PDSS1: variants seen among roughly 807,000 people sequenced by gnomAD.
The protein encoded by PDSS1 is all trans-polyprenyl-diphosphate synthase PDSS1.
Under a neutral mutation model 57.5 loss-of-function variants are expected in PDSS1, and 43 were observed. That is an observed-to-expected ratio of 0.75 (90% confidence interval 0.59 to 0.96). The LOEUF is 0.96. Among genes scored for constraint, PDSS1 ranks in the 50% least tolerant of loss-of-function variants. The probability of loss-of-function intolerance (pLI) is 0.00; values close to 1 mark genes in which losing one functional copy is unlikely to be tolerated. For synonymous variants in PDSS1, 175 were observed against 191.3 expected, an observed-to-expected ratio of 0.91 and a Z score of 0.70; for missense variants, 438 against 527.8, an observed-to-expected ratio of 0.83 and a Z score of 1.67.
chr10:26,740,123 C>G (rs1281038745), intron 10 of PDSS1, among the ~76,000 whole-genome samples: 2 of 136,224 alleles, frequency 1.5e-5, no homozygotes, highest in African/African-American at 5.7e-5. Flanking sequence ...GCCTGGATGA[C>G]AGAGCGAAAC....
intron 4 of PDSS1, among the ~76,000 whole-genome samples, chr10:26,706,615 T>C (rs1270500373): frequency 2.0e-5 from 3 of 152,168 alleles, no homozygotes; most frequent in Admixed American, 6.5e-5. Flanking sequence ...CCTGCATTTT[T>C]AAAAGGCCCA....
At chr10:26,708,031 G>A (rs531159041) in intron 4 of PDSS1, among the ~76,000 whole-genome samples, 2 of 152,264 alleles carry the variant, frequency 1.3e-5, no homozygotes, top group East Asian at 3.9e-4. Flanking sequence ...CTCAGCTTCC[G>A]AGGTGACAGC....
rs1464515964 is a variant in PDSS1, at chr10:26,709,623, GA to G, written c.337-12del. The G allele has an allele frequency of 6.2e-7, 1 of 1,613,198 alleles. No individual in the cohort carries two copies. The highest frequency in any genetic ancestry group is 1.1e-5 in the South Asian group (1 of 91,064). On this transcript the variant is annotated splice_polypyrimidine_tract_variant and intron_variant, in intron 4 of 11. Coordinates refer to ENST00000376215, the MANE Select transcript of PDSS1 (RefSeq NM_014317.5). ...TTTTTTGATGCCATTGTGACACAGA[GA>G]AACTTTATTTCAGGAACTGCTTATA... is the stretch of plus-strand genomic sequence containing the variant.
At chr10:26,722,725 A>T (rs1273905887) in intron 6 of PDSS1, among the ~76,000 whole-genome samples, 1 of 151,984 alleles carries the variant, frequency 6.6e-6, no homozygotes, top group African/African-American at 2.4e-5. Context: ...AAAGAATGTA[A>T]TATATATCTT....
At chr10:26,700,565 T>G (rs1835019843) in intron 1 of PDSS1, among the ~76,000 whole-genome samples, 1 of 152,110 alleles carries the variant, frequency 6.6e-6, no homozygotes, top group African/African-American at 2.4e-5. Flanking sequence ...GATTCCCCCA[T>G]GCTGTTCTCA....
At chr10:26,709,330 C>T (rs1303399356) in intron 4 of PDSS1, among the ~76,000 whole-genome samples, 2 of 152,280 alleles carry the variant, frequency 1.3e-5, no homozygotes, top group East Asian at 1.9e-4. Context: ...GAGGCCGAGG[C>T]GGGTGGATCA....
At chr10:26,709,573 G>T in intron 4 of PDSS1, 65 bp from the exon 5 acceptor site, 2 of 1,495,874 alleles carry the variant, frequency 1.3e-6, no homozygotes, top group East Asian at 2.3e-5. Context: ...AAAAAAAAAA[G>T]AAATCCTGTT....
At chr10:26,721,051 A>T (rs2132261352) in intron 6 of PDSS1, among the ~76,000 whole-genome samples, 1 of 152,230 alleles carries the variant, frequency 6.6e-6, no homozygotes, top group Non-Finnish European at 1.5e-5. Flanking sequence ...CATGCCTGTA[A>T]TCCCAGCACT....
intron 11 of PDSS1, among the ~76,000 whole-genome samples, chr10:26,745,543 G>T (rs1326089407): frequency 6.6e-6 from 1 of 151,970 alleles, no homozygotes; most frequent in African/African-American, 2.4e-5. Context: ...AACTAAAATT[G>T]GTAATCAAGA....
chr10:26,703,972 T>C (rs986130189), intron 2 of PDSS1, among the ~76,000 whole-genome samples: 93 of 150,622 alleles, frequency 6.2e-4, no homozygotes, highest in Non-Finnish European at 1.2e-3. Context: ...TCCCAGCTAC[T>C]CAGGAGGCTG....
In PDSS1 at chr10:26,711,322, T is replaced by C. The variant is rs1835402889; in HGVS notation, c.467+1554T>C. ...AGGAATGCCTAAGATTTGTCAGCACTGAATTTAATGACGCTGTAAGAATGA... is the reference window on the plus strand; with the variant it reads ...AGGAATGCCTAAGATTTGTCAGCACCGAATTTAATGACGCTGTAAGAATGA... On this transcript the variant is annotated intron_variant, in intron 5 of 11. Coordinates refer to ENST00000376215, the MANE Select transcript of PDSS1 (RefSeq NM_014317.5). 2.0e-5 allele frequency among the ~76,000 whole-genome samples: 2 copies of C among 99,010 alleles called. 1 individual carries two copies. Among genetic ancestry groups the C allele is most frequent in the African/African-American group, 6.5e-5 (2 of 30,576 alleles). The allele number at this position is 99,010 out of a possible 152,430, so 65.0% of individuals were successfully genotyped here.
At chr10:26,714,198 G>A (rs1452212754) in intron 5 of PDSS1, among the ~76,000 whole-genome samples, 3 of 152,154 alleles carry the variant, frequency 2.0e-5, no homozygotes. Flanking sequence ...TATGGGCTGG[G>A]CACAGTGGCT....
At chr10:26,726,317 C>G (rs1320359390) in intron 8 of PDSS1, among the ~76,000 whole-genome samples, 1 of 152,220 alleles carries the variant, frequency 6.6e-6, no homozygotes, top group East Asian at 1.9e-4. Flanking sequence ...ATCGTCCCAG[C>G]ACTACCTCCT....
chr10:26,728,593 G>A (rs796207809), intron 8 of PDSS1, among the ~76,000 whole-genome samples: 16 of 151,988 alleles, frequency 1.1e-4, no homozygotes, highest in African/African-American at 3.9e-4. Context: ...TATTCTGATG[G>A]TTGTCAAATG....
At chr10:26,728,662 C>A (rs147803608) in intron 8 of PDSS1, among the ~76,000 whole-genome samples, 1 of 151,756 alleles carries the variant, frequency 6.6e-6, no homozygotes, top group Admixed American at 6.6e-5. Context: ...AAGTTGGTAT[C>A]CTATTTTTTT....
chr10:26,738,126 A>G (rs1177345134), intron 10 of PDSS1, among the ~76,000 whole-genome samples: 1 of 152,252 alleles, frequency 6.6e-6, no homozygotes, highest in Non-Finnish European at 1.5e-5. Context: ...CTTAGCAAGA[A>G]ATGTGTCAAA....
chr10:26,731,693 T>A, intron 8 of PDSS1, among the ~76,000 whole-genome samples: 1 of 150,926 alleles, frequency 6.6e-6, no homozygotes, highest in African/African-American at 2.5e-5. Flanking sequence ...ACGCTTGAGT[T>A]TTTGCCAGTC....
At position 26,703,236 on chromosome 10, in the gene PDSS1, C is replaced by T. The variant is rs111700193; in HGVS notation, c.162+1042C>T. ...TGTTAGGCCACTTGGTGGTAAAAAG[C>T]GTCCCCTGTATTAATTAGCTGTGTA... On this transcript the variant is annotated intron_variant, in intron 2 of 11. Coordinates refer to ENST00000376215, the MANE Select transcript of PDSS1 (RefSeq NM_014317.5). 7.2e-3 allele frequency among the ~76,000 whole-genome samples: 1,102 copies of T among 152,300 alleles called. 10 individuals carry two copies. The highest frequency in any genetic ancestry group is 0.024 in the African/African-American group (1,000 of 41,570).
Position 26,735,456 on chromosome 10 carries a change from CT to C in PDSS1, c.913-6del. On this transcript the variant is annotated splice_polypyrimidine_tract_variant and intron_variant, in intron 9 of 11. Coordinates refer to ENST00000376215, the MANE Select transcript of PDSS1 (RefSeq NM_014317.5). ...CGGTGCTCCTTACATCCCATTTTTC[CT>C]TTTGCCAGCTAATAGATGATGTATT... 1 of 1,583,922 alleles carries C rather than the reference CT, an allele frequency of 6.3e-7. No homozygotes were observed. Among genetic ancestry groups the C allele is most frequent in the Non-Finnish European group, 8.7e-7 (1 of 1,152,448 alleles).
Sources: allele counts gnomAD v4.1 joint callset (sites outside exome capture counted in the v4.1 genomes callset), GRCh38; gene constraint gnomAD v4.1.1; transcripts MANE v1.5; gene names NCBI Gene and HGNC (gene_info 2026-07-23, HGNC 2026-07-21).